The following KLHDC4 variants were observed in gnomAD, a reference collection of about 807,000 sequenced individuals.
The protein encoded by KLHDC4 is kelch domain-containing protein 4.
KLHDC4 carries 90 observed loss-of-function variants against 62.4 expected under a neutral mutation model. That is an observed-to-expected ratio of 1.44 (90% CI 1.22 to 1.72). The LOEUF is 1.72. KLHDC4 is among the 40% of genes most tolerant of loss of function. The pLI, the probability that KLHDC4 is intolerant of heterozygous loss-of-function variation, is 0.00. For missense variants in KLHDC4, 1,025 were observed against 699.7 expected, an observed-to-expected ratio of 1.47 and a Z score of -5.25; for synonymous variants, 386 against 284.4, an observed-to-expected ratio of 1.36 and a Z score of -3.59.
intron 1 of KLHDC4, among the ~76,000 whole-genome samples, chr16:87,763,884 C>T (rs553564499): frequency 8.5e-5 from 13 of 152,246 alleles, no homozygotes; most frequent in Non-Finnish European, 1.3e-4. Context: ...GCTGAAAAGA[C>T]GACTCAGACG....
At chr16:87,703,713 G>A (rs145582072), downstream of KLHDC4, among the ~76,000 whole-genome samples, 721 of 152,320 alleles carry the variant, frequency 4.7e-3, 8 homozygotes, top group African/African-American at 0.016. Context: ...GAAAACGGGC[G>A]TGAGCTGGAC....
Position 87,756,385 on chromosome 16 carries a change from A to G in KLHDC4, c.270+14T>C, listed in dbSNP as rs771105491. Reference sequence around the variant, plus strand: ...ACGCAACATGGGAAGAAAAGAAAAAAATATATACTTTACTTTTTGGCCGTT... The same window carrying G: ...ACGCAACATGGGAAGAAAAGAAAAAGATATATACTTTACTTTTTGGCCGTT... On this transcript the variant is annotated intron_variant, in intron 3 of 11. Transcript: ENST00000270583. 110 of 1,589,000 alleles carry G rather than the reference A, an allele frequency of 6.9e-5. No individual in the cohort carries two copies. The highest frequency in any genetic ancestry group is 9.0e-5 in the Non-Finnish European group (104 of 1,157,696).
chr16:87,729,766 G>C (rs1394217276), intron 6 of KLHDC4, among the ~76,000 whole-genome samples: 1 of 152,128 alleles, frequency 6.6e-6, no homozygotes, highest in Admixed American at 6.5e-5. Flanking sequence ...GTTTTGAAGT[G>C]ATTACAGACC....
chr16:87,723,306 C>T (rs1240781005), intron 7 of KLHDC4, among the ~76,000 whole-genome samples: 2 of 152,266 alleles, frequency 1.3e-5, no homozygotes, highest in Non-Finnish European at 2.9e-5. Flanking sequence ...CCAAATGCCA[C>T]AGGCTCAGAG....
chr16:87,744,946 CAT>C (rs990900474), intron 5 of KLHDC4, among the ~76,000 whole-genome samples: 13 of 151,860 alleles, frequency 8.6e-5, no homozygotes, highest in South Asian at 4.2e-4. Flanking sequence ...CATGCACTCA[CAT>C]ATGCTCACAC....
At chr16:87,709,878 C>T (rs184110800) in intron 9 of KLHDC4, 127 of 610,212 alleles carry the variant, frequency 2.1e-4, no homozygotes, top group African/African-American at 1.5e-3. Context: ...GCCGTTCACT[C>T]CTGGGCTGGG....
intron 1 of KLHDC4, chr16:87,765,056 C>T (rs2061001576): frequency 8.9e-6 from 4 of 451,564 alleles, no homozygotes; most frequent in Non-Finnish European, 1.8e-5. Flanking sequence ...ACCAGTGCTA[C>T]GGAACTGACC....
intron 7 of KLHDC4, among the ~76,000 whole-genome samples, chr16:87,720,828 G>A (rs565952806): frequency 2.6e-5 from 4 of 152,336 alleles, no homozygotes; most frequent in East Asian, 1.9e-4. Context: ...TGCCACAGCC[G>A]CAGCCTCTTT....
chr16:87,723,281 C>T (rs1474241320), intron 7 of KLHDC4, among the ~76,000 whole-genome samples: 1 of 152,252 alleles, frequency 6.6e-6, no homozygotes, highest in Non-Finnish European at 1.5e-5. Context: ...AACAGACAAG[C>T]TTTTCACTGC....
chr16:87,758,052 G>A lies in KLHDC4; in HGVS notation c.192-1575C>T, dbSNP rs1029733080. Among the ~76,000 whole-genome samples the A allele has an allele frequency of 2.0e-5, 3 of 152,166 alleles. 1 individual carries two copies. Among genetic ancestry groups the A allele is most frequent in the Non-Finnish European group, 4.4e-5 (3 of 68,030 alleles). ...CTCCATAATGCCAACTCCAAAAGAT[G>A]TTTCTCAAAGGAAAAACAGGTTTCA... On this transcript the variant is annotated intron_variant, in intron 2 of 11. Transcript: ENST00000270583.
At position 87,714,497 on chromosome 16, in the gene KLHDC4, C is replaced by T. The variant is rs745612782; in HGVS notation, c.835+1G>A. ...CCGCCCTGGAGGCACAGCACCTCTA[C>T]CTTCTCTTCCGTCCTCTGGCTTCAG... is the stretch of plus-strand genomic sequence containing the variant. On this transcript the variant is annotated splice_donor_variant, in intron 8 of 11. Transcript: ENST00000270583. LOFTEE classifies it high-confidence loss of function. The T allele has an allele frequency of 1.2e-6, 2 of 1,614,148 alleles. No homozygotes were observed. The highest frequency in any genetic ancestry group is 2.2e-5 in the East Asian group (1 of 44,872).
At chr16:87,750,714 T>C (rs867879695) in intron 4 of KLHDC4, among the ~76,000 whole-genome samples, 96 of 152,286 alleles carry the variant, frequency 6.3e-4, no homozygotes, top group African/African-American at 2.2e-3. Context: ...CGCCCGCACA[T>C]AGAAACGGCC....
At chr16:87,740,090 G>A (rs1197138806) in intron 5 of KLHDC4, among the ~76,000 whole-genome samples, 4 of 152,150 alleles carry the variant, frequency 2.6e-5, no homozygotes, top group African/African-American at 9.7e-5. Flanking sequence ...GGAGGGAGAC[G>A]AATCTCCCCC....
rs2035067444 is a variant in KLHDC4, at chr16:87,708,384, TTCG to T, written c.1527_1529del (p.Asp509del). ...CCGCACCGCTCTCCTCTCCGCTGTC[TTCG>T]TCGTCGACCCCACCCTCGGCGCCCT... On this transcript the variant is annotated inframe_deletion, in exon 11 of 12. Coordinates refer to ENST00000270583, the MANE Select transcript of KLHDC4 (RefSeq NM_017566.4). 6.2e-7 allele frequency: 1 copy of T among 1,610,700 alleles called. No homozygotes were observed. The highest frequency in any genetic ancestry group is 8.5e-7 in the Non-Finnish European group (1 of 1,179,096).
At chr16:87,756,721 C>CAAA (rs35385743) in intron 2 of KLHDC4, among the ~76,000 whole-genome samples, 9 of 98,806 alleles carry the variant, frequency 9.1e-5, no homozygotes, top group South Asian at 3.0e-4. Flanking sequence ...GTTGTATTAA[C>CAAA]AAAAAAAAAA....
intron 5 of KLHDC4, chr16:87,743,012 T>G (rs2042469142): frequency 6.6e-6 from 1 of 152,024 alleles, no homozygotes; most frequent in African/African-American, 2.4e-5. Context: ...ACGCCAAGAG[T>G]CAGCCCTCCA....
intron 8 of KLHDC4, among the ~76,000 whole-genome samples, chr16:87,712,179 C>T (rs1307191772): frequency 3.3e-5 from 5 of 152,198 alleles, no homozygotes; most frequent in Non-Finnish European, 7.3e-5. Flanking sequence ...TGGCACGCGC[C>T]TATGTGATGT....
rs768300794 is a variant in KLHDC4, at chr16:87,711,492, T to A, written c.836-49A>T. The A allele has an allele frequency of 4.6e-6, 7 of 1,523,488 alleles. No homozygotes were observed. The South Asian group carries it at 4.9e-5, about 11-fold the overall frequency. The allele number at this position is 1,523,488 out of a possible 1,614,324, so 94.4% of individuals were successfully genotyped here. ...GGGATAAGAACACAAGGAAGGACCC[T>A]GAGAGCCAGCCCAGGACACGCTCAG... On this transcript the variant is annotated intron_variant, in intron 8 of 11. Coordinates refer to ENST00000270583, the MANE Select transcript of KLHDC4 (RefSeq NM_017566.4).
intron 5 of KLHDC4, among the ~76,000 whole-genome samples, chr16:87,733,640 T>G (rs2040788025): frequency 7.3e-6 from 1 of 137,304 alleles, no homozygotes; most frequent in African/African-American, 2.7e-5. Flanking sequence ...ATGACCTGCC[T>G]CGCCTCCTAC....
Sources: allele counts gnomAD v4.1 joint callset (sites outside exome capture counted in the v4.1 genomes callset), GRCh38; gene constraint gnomAD v4.1.1; transcripts MANE v1.5; gene names NCBI Gene and HGNC (gene_info 2026-07-23, HGNC 2026-07-21).